Variants in TAF3 observed in about 807,000 individuals in gnomAD.
TAF3 encodes transcription initiation factor TFIID subunit 3.
Under a neutral mutation model 80.6 loss-of-function variants are expected in TAF3, and 7 were observed. That is an observed-to-expected ratio of 0.09 (90% CI 0.05 to 0.16). The LOEUF is 0.16. Among genes scored for constraint, TAF3 ranks in the 10% least tolerant of loss-of-function variants. The pLI is 1.00. For synonymous variants in TAF3, 444 were observed against 446.1 expected, an observed-to-expected ratio of 1.00 and a Z score of 0.06; for missense variants, 921 against 1,140.2, an observed-to-expected ratio of 0.81 and a Z score of 2.77.
At chr10:8,014,239 A>G (rs368656535) in intron 6 of TAF3, among the ~76,000 whole-genome samples, 16 of 152,168 alleles carry the variant, frequency 1.1e-4, no homozygotes, top group African/African-American at 3.9e-4. Context: ...TGTTTTTTAG[A>G]CCTCTTCAGC....
chr10:7,846,619 A>AAAAC (rs35026998), intron 2 of TAF3, among the ~76,000 whole-genome samples: 71,202 of 151,636 alleles, frequency 0.47, 16,922 homozygotes, highest in South Asian at 0.64. Context: ...GGCTAACAAA[A>AAAAC]AAGGAGAAAA....
At position 8,016,043 on chromosome 10, in the gene TAF3, C is replaced by T. The variant is rs1832101174; in HGVS notation, c.*1292C>T. On this transcript the variant is annotated 3_prime_UTR_variant, in exon 7 of 7. Coordinates refer to ENST00000344293, the MANE Select transcript of TAF3 (RefSeq NM_031923.4). ...CTTTATTATATTATTATACTGCCCA[C>T]TATTTATTATATGTTATAGATGTCT... 1 of 151,958 alleles carries T rather than the reference C, an allele frequency of 6.6e-6. No individual in the cohort carries two copies. Among genetic ancestry groups the T allele is most frequent in the Admixed American group, 6.6e-5 (1 of 15,256 alleles). The allele number at this position is 151,958 out of a possible 1,614,324, so 9.4% of individuals were successfully genotyped here.
intron 2 of TAF3, among the ~76,000 whole-genome samples, chr10:7,941,275 T>C (rs1045381563): frequency 6.6e-6 from 1 of 152,242 alleles, no homozygotes; most frequent in Admixed American, 6.5e-5. Flanking sequence ...ATTTCTTTAC[T>C]GTTTGGCATC....
At chr10:7,875,575 T>A (rs2131149617) in intron 2 of TAF3, among the ~76,000 whole-genome samples, 1 of 152,346 alleles carries the variant, frequency 6.6e-6, no homozygotes, top group East Asian at 1.9e-4. Flanking sequence ...GGCCTCCAGT[T>A]GAAAAGTAGC....
intron 2 of TAF3, among the ~76,000 whole-genome samples, chr10:7,915,197 C>G (rs1837698305): frequency 6.6e-6 from 1 of 151,294 alleles, no homozygotes; most frequent in Admixed American, 6.6e-5. Flanking sequence ...GCCTCGGCCT[C>G]CCCAAGTGCT....
In TAF3 at chr10:7,935,503, G is replaced by A. The variant is rs182486859; in HGVS notation, c.410-28417G>A. ...GGAGGCTGAGGCAGGAGAATGGCGT[G>A]AACCCGGGAGGCGGAGCTTGCAGTG... is the stretch of plus-strand genomic sequence containing the variant. On this transcript the variant is annotated intron_variant, in intron 2 of 6. Transcript: ENST00000344293. Among the ~76,000 whole-genome samples the A allele has an allele frequency of 8.9e-3, 1,349 of 152,036 alleles. 11 individuals carry two copies. The highest frequency in any genetic ancestry group is 0.031 in the Middle Eastern group (9 of 294).
At chr10:8,001,732 G>A (rs1167120789) in intron 4 of TAF3, among the ~76,000 whole-genome samples, 7 of 151,916 alleles carry the variant, frequency 4.6e-5, no homozygotes, top group Non-Finnish European at 8.8e-5. Context: ...TTTTTAAGAC[G>A]TTTAGAATTT....
Position 8,015,288 on chromosome 10 carries a change from A to G in TAF3, c.*537A>G, listed in dbSNP as rs896215411. The G allele has an allele frequency of 1.3e-5, 2 of 152,262 alleles. No homozygotes were observed. Among genetic ancestry groups the G allele is most frequent in the Non-Finnish European group, 2.9e-5 (2 of 68,082 alleles). The allele number at this position is 152,262 out of a possible 1,614,324, so 9.4% of individuals were successfully genotyped here. On this transcript the variant is annotated 3_prime_UTR_variant, in exon 7 of 7. Coordinates refer to ENST00000344293, the MANE Select transcript of TAF3 (RefSeq NM_031923.4). The stretch of plus-strand genomic sequence containing the variant: ...AAGCTTCCCTCCTTCCCCCGTTTTT[A>G]GTACTAACATGTAAAATGTTCAGGC...
At chr10:7,987,870 C>G (rs1330476337) in intron 4 of TAF3, among the ~76,000 whole-genome samples, 1 of 152,112 alleles carries the variant, frequency 6.6e-6, no homozygotes, top group Non-Finnish European at 1.5e-5. Context: ...TCAGGCTATT[C>G]CCAGATCTCT....
chr10:7,917,198 G>C (rs1267150108), intron 2 of TAF3, among the ~76,000 whole-genome samples: 1 of 152,212 alleles, frequency 6.6e-6, no homozygotes, highest in East Asian at 1.9e-4. Flanking sequence ...TAAAATTTCA[G>C]GCGGTAATAA....
intron 2 of TAF3, among the ~76,000 whole-genome samples, chr10:7,863,650 C>T (rs1247850642): frequency 4.3e-5 from 4 of 93,634 alleles, no homozygotes; most frequent in Admixed American, 1.3e-4. Flanking sequence ...TATATATACA[C>T]ACACACATAT....
chr10:7,867,232 C>G (rs1047736003), intron 2 of TAF3, among the ~76,000 whole-genome samples: 8 of 151,968 alleles, frequency 5.3e-5, no homozygotes, highest in African/African-American at 1.9e-4. Flanking sequence ...GCACTCCAGC[C>G]TGGGCAACAG....
chr10:7,924,917 A>C (rs1306515267), intron 2 of TAF3, among the ~76,000 whole-genome samples: 1 of 152,204 alleles, frequency 6.6e-6, no homozygotes, highest in Non-Finnish European at 1.5e-5. Context: ...TAAGGGTTCT[A>C]CTTTTGGGGT....
At chr10:7,834,039 C>T (rs570357161) in intron 2 of TAF3, 28 of 182,370 alleles carry the variant, frequency 1.5e-4, no homozygotes, top group Non-Finnish European at 2.1e-4. Flanking sequence ...TATATTTTGC[C>T]TTTTTTTTTG....
At chr10:7,890,908 A>G (rs983458639) in intron 2 of TAF3, among the ~76,000 whole-genome samples, 18 of 152,264 alleles carry the variant, frequency 1.2e-4, no homozygotes, top group African/African-American at 4.1e-4. Flanking sequence ...ATATTTAATT[A>G]AGTAACACAA....
At chr10:7,883,104 C>T (rs1276957865) in intron 2 of TAF3, among the ~76,000 whole-genome samples, 1 of 152,202 alleles carries the variant, frequency 6.6e-6, no homozygotes, top group East Asian at 1.9e-4. Flanking sequence ...ACAAGCTACA[C>T]TGAGATTACA....
intron 4 of TAF3, among the ~76,000 whole-genome samples, chr10:7,996,842 A>ATTTTTTTTTTTTTTTTT (rs34866346): frequency 7.6e-6 from 1 of 131,922 alleles, no homozygotes; most frequent in Non-Finnish European, 1.6e-5. Flanking sequence ...ACCACACTCT[A>ATTTTTTTTTTTTTTTTT]TTTTTTTTTT....
chr10:7,822,882 A>T (rs920823304), intron 1 of TAF3, among the ~76,000 whole-genome samples: 2 of 152,238 alleles, frequency 1.3e-5, no homozygotes, highest in Non-Finnish European at 2.9e-5. Flanking sequence ...TAAAGAAAAA[A>T]ATCTCTATAT....
intron 2 of TAF3, among the ~76,000 whole-genome samples, chr10:7,863,350 C>T (rs928664924): frequency 2.6e-5 from 4 of 152,032 alleles, no homozygotes; most frequent in South Asian, 2.1e-4. Flanking sequence ...ACAGGTCACA[C>T]CTGTAATCCC....
Sources: gnomAD v4.1 joint callset for allele counts (sites outside exome capture counted in the v4.1 genomes callset) on GRCh38, gnomAD v4.1.1 for gene constraint, MANE v1.5 for transcripts, NCBI Gene and HGNC (gene_info 2026-07-23, HGNC 2026-07-21) for gene names.